The following TNRC6B variants were observed in gnomAD, a reference collection of about 807,000 sequenced individuals.
TNRC6B encodes trinucleotide repeat-containing gene 6B protein.
In TNRC6B, 52 loss-of-function variants were observed where a neutral mutation model predicts 203.6. That is an observed-to-expected ratio of 0.26 (90% CI 0.20 to 0.32). TNRC6B has a LOEUF of 0.32. TNRC6B is among the 10% of genes least tolerant of loss of function. TNRC6B has a pLI of 1.00. For missense variants in TNRC6B, 1,923 were observed against 2,286.2 expected, an observed-to-expected ratio of 0.84 and a Z score of 3.24; for synonymous variants, 838 against 845.7, an observed-to-expected ratio of 0.99 and a Z score of 0.16.
At chr22:40,173,791 A>AT (rs1255763296), upstream of TNRC6B, among the ~76,000 whole-genome samples, 186 of 44,434 alleles carry the variant, frequency 4.2e-3, 2 homozygotes, top group East Asian at 0.018. Flanking sequence ...ATATATATAT[A>AT]TATTTTTTTT....
At chr22:40,251,714 G>A (rs1049098698) in intron 3 of TNRC6B, among the ~76,000 whole-genome samples, 2 of 148,772 alleles carry the variant, frequency 1.3e-5, no homozygotes, top group East Asian at 2.0e-4. Flanking sequence ...GTGAGACTCC[G>A]TCTCAAAAAA....
intron 7 of TNRC6B, among the ~76,000 whole-genome samples, chr22:40,276,533 CTGCCCTACTT>C (rs1022533450): frequency 6.6e-6 from 1 of 152,164 alleles, no homozygotes; most frequent in Non-Finnish European, 1.5e-5. Context: ...AAACCTACCT[CTGCCCTACTT>C]TGCCCAGGAG....
chr22:40,177,863 C>T (rs2069080525), upstream of TNRC6B: 3 of 1,314,008 alleles, frequency 2.3e-6, no homozygotes, highest in East Asian at 2.9e-5. Flanking sequence ...TCCTGATTGA[C>T]AAACCTACCC....
In TNRC6B at chr22:40,221,483, C is replaced by T. The variant is rs542762412; in HGVS notation, c.6-24532C>T. ...GAGACAAGATCTTGCTTGGTTCTCCCGGCTGGAGTGTGGTGGCACAATCAC... is the reference window on the plus strand; with the variant it reads ...GAGACAAGATCTTGCTTGGTTCTCCTGGCTGGAGTGTGGTGGCACAATCAC... On this transcript the variant is annotated intron_variant, in intron 1 of 22. Transcript: ENST00000454349. Among the ~76,000 whole-genome samples, 28 of 152,166 alleles carry T rather than the reference C, an allele frequency of 1.8e-4. No individual in the cohort carries two copies. The South Asian group carries it at 4.8e-3, about 26-fold the overall frequency.
intron 12 of TNRC6B, among the ~76,000 whole-genome samples, chr22:40,289,482 T>C (rs913301124): frequency 6.6e-6 from 1 of 152,134 alleles, no homozygotes; most frequent in Non-Finnish European, 1.5e-5. Context: ...AATATGATGA[T>C]CTGTTCTCTA....
At chr22:40,069,148 G>A (rs566703832) in intron 1 of TNRC6B, among the ~76,000 whole-genome samples, 1 of 152,214 alleles carries the variant, frequency 6.6e-6, no homozygotes. Context: ...CGCCCAGGCT[G>A]TAGTGCAGGT....
intron 1 of TNRC6B, among the ~76,000 whole-genome samples, chr22:40,203,557 CTT>C (rs913888388): frequency 5.3e-5 from 8 of 152,024 alleles, no homozygotes; most frequent in African/African-American, 1.9e-4. Flanking sequence ...CTAAAAAACT[CTT>C]TGATTACTTT....
intron 1 of TNRC6B, among the ~76,000 whole-genome samples, chr22:40,071,654 T>C (rs1454388909): frequency 6.6e-6 from 1 of 152,224 alleles, no homozygotes; most frequent in African/African-American, 2.4e-5. Flanking sequence ...TTTGGACCCT[T>C]TTAAAATAAT....
rs150817078 is a variant in TNRC6B at position 40,242,415 on chromosome 22, CATT to C, written c.6-3596_6-3594del. 1.6e-3 allele frequency among the ~76,000 whole-genome samples: 236 copies of C among 152,056 alleles called. 1 individual carries two copies. The highest frequency in any genetic ancestry group is 5.4e-3 in the African/African-American group (225 of 41,488). ...TCTCAACAGTGAGAAACATGGCTGT[CATT>C]ATTCTTTTTTTTCTTTTCTTTTTTT... is the stretch of plus-strand genomic sequence containing the variant. On this transcript the variant is annotated intron_variant, in intron 1 of 22. Transcript: ENST00000454349.
At chr22:40,280,946 G>A (rs1304821987) in intron 10 of TNRC6B, among the ~76,000 whole-genome samples, 173 bp from the exon 11 acceptor site, 1 of 152,244 alleles carries the variant, frequency 6.6e-6, no homozygotes, top group Non-Finnish European at 1.5e-5. Flanking sequence ...ATGACAGATG[G>A]TGTCTGTTGG....
Position 40,321,084 on chromosome 22 carries a change from C to T in TNRC6B, c.4975-6C>T. On this transcript the variant is annotated splice_region_variant and splice_polypyrimidine_tract_variant and intron_variant, in intron 21 of 22. Coordinates refer to ENST00000454349, the MANE Select transcript of TNRC6B (RefSeq NM_001162501.2). ...TCTTTATCTCATGAATGTCATTACT[C>T]CTTAGATTGATGGGTCAACCTTGAG... 2 of 1,613,872 alleles carry T rather than the reference C, an allele frequency of 1.2e-6. No individual in the cohort carries two copies. Among genetic ancestry groups the T allele is most frequent in the Non-Finnish European group, 1.7e-6 (2 of 1,179,842 alleles).
chr22:40,125,357 G>C (rs1456292946), intron 2 of TNRC6B, among the ~76,000 whole-genome samples: 5 of 152,100 alleles, frequency 3.3e-5, no homozygotes, highest in Non-Finnish European at 7.4e-5. Flanking sequence ...AATTCCAATA[G>C]CCTTAGCCTA....
chr22:40,264,389 C>T (rs2070439603), intron 4 of TNRC6B, among the ~76,000 whole-genome samples: 1 of 152,092 alleles, frequency 6.6e-6, no homozygotes, highest in Non-Finnish European at 1.5e-5. Flanking sequence ...AGATACAGAG[C>T]AAGTTTAGAG....
At chr22:40,241,860 A>G (rs1241848130) in intron 1 of TNRC6B, among the ~76,000 whole-genome samples, 1 of 152,168 alleles carries the variant, frequency 6.6e-6, no homozygotes, top group Non-Finnish European at 1.5e-5. Context: ...ACAATGGCTT[A>G]TAGTCTCTTA....
At chr22:40,057,704 A>G (rs1453381628) in intron 1 of TNRC6B, among the ~76,000 whole-genome samples, 1 of 152,244 alleles carries the variant, frequency 6.6e-6, no homozygotes, top group African/African-American at 2.4e-5. Context: ...CCTGGTCAGC[A>G]TATCAAGAGA....
intron 3 of TNRC6B, among the ~76,000 whole-genome samples, chr22:40,131,042 GACAGGCGCCT>G (rs1416356818): frequency 1.3e-5 from 2 of 151,402 alleles, no homozygotes; most frequent in African/African-American, 2.4e-5. Context: ...GCTGGGACTT[GACAGGCGCCT>G]GCCGCCACGC....
chr22:40,263,377 T>C (rs775848194), intron 4 of TNRC6B, among the ~76,000 whole-genome samples: 2 of 152,186 alleles, frequency 1.3e-5, no homozygotes, highest in Non-Finnish European at 2.9e-5. Context: ...ACCCATGGCC[T>C]TTCCTTCCTG....
intron 1 of TNRC6B, among the ~76,000 whole-genome samples, chr22:40,189,424 A>G (rs1379942608): frequency 6.6e-6 from 1 of 151,844 alleles, no homozygotes; most frequent in Admixed American, 6.6e-5. Context: ...TTCTGTTTTC[A>G]GAACACACTT....
At chr22:40,122,170 T>A (rs13056360) in intron 2 of TNRC6B, among the ~76,000 whole-genome samples, 13 of 152,216 alleles carry the variant, frequency 8.5e-5, no homozygotes, top group African/African-American at 2.6e-4. Flanking sequence ...TATATTTTGG[T>A]CTCCCAAATG....
Sources: gnomAD v4.1 joint callset for allele counts (sites outside exome capture counted in the v4.1 genomes callset) on GRCh38, gnomAD v4.1.1 for gene constraint, MANE v1.5 for transcripts, NCBI Gene and HGNC (gene_info 2026-07-23, HGNC 2026-07-21) for gene names.